Variants in PRDM5 observed in about 807,000 individuals in gnomAD.
PRDM5 encodes PR/SET domain 5, also known as PR domain zinc finger protein 5.
A neutral mutation model predicts 81.2 loss-of-function variants in PRDM5; 56 were observed. That is an observed-to-expected ratio of 0.69 (90% confidence interval 0.56 to 0.86). The LOEUF is 0.86. PRDM5 is among the 40% of genes least tolerant of loss of function. The pLI, the probability that PRDM5 is intolerant of heterozygous loss-of-function variation, is 0.00. For missense variants in PRDM5, 697 were observed against 770.1 expected (o/e 0.91, Z 1.12); for synonymous variants, 267 against 256.4 (o/e 1.04, Z -0.39).
At chr4:120,687,793 A>T (rs545064201), downstream of PRDM5, among the ~76,000 whole-genome samples, 1 of 152,290 alleles carries the variant, frequency 6.6e-6, no homozygotes, top group East Asian at 1.9e-4. Context: ...TCCTTATAAA[A>T]GGATGAGTTC....
chr4:120,803,399 A>C (rs934661170), intron 8 of PRDM5, among the ~76,000 whole-genome samples: 2 of 152,170 alleles, frequency 1.3e-5, no homozygotes, highest in East Asian at 1.9e-4. Context: ...CAAGACACAT[A>C]ATCGTAAGAT....
chr4:120,699,804 A>T (rs1735093655), intron 15 of PRDM5, among the ~76,000 whole-genome samples: 1 of 152,170 alleles, frequency 6.6e-6, no homozygotes, highest in Non-Finnish European at 1.5e-5. Context: ...ATGCTTAGAG[A>T]TTGGAAGAAT....
At chr4:120,814,407 T>C (rs1329621488) in intron 7 of PRDM5, among the ~76,000 whole-genome samples, 1 of 152,214 alleles carries the variant, frequency 6.6e-6, no homozygotes, top group Non-Finnish European at 1.5e-5. Context: ...CAGTAGGCCA[T>C]GTGAGGAAAT....
At chr4:120,766,502 A>T (rs1036676704) in intron 13 of PRDM5, among the ~76,000 whole-genome samples, 4 of 152,220 alleles carry the variant, frequency 2.6e-5, no homozygotes, top group Non-Finnish European at 5.9e-5. Flanking sequence ...CATAGGTAAC[A>T]AACTATAGTT....
At chr4:120,845,061 G>A (rs1319083772) in intron 3 of PRDM5, among the ~76,000 whole-genome samples, 1 of 152,196 alleles carries the variant, frequency 6.6e-6, no homozygotes, top group Admixed American at 6.5e-5. Flanking sequence ...GAGAGACAAG[G>A]AAGCTGCAGA....
chr4:120,763,862 G>A (rs1745983288), intron 13 of PRDM5, among the ~76,000 whole-genome samples: 1 of 151,572 alleles, frequency 6.6e-6, no homozygotes, highest in Non-Finnish European at 1.5e-5. Context: ...AGTATCAAGA[G>A]TATATAACGT....
intron 2 of PRDM5, among the ~76,000 whole-genome samples, chr4:120,860,156 A>T (rs978235295): frequency 1.3e-5 from 2 of 152,244 alleles, no homozygotes; most frequent in Admixed American, 6.5e-5. Flanking sequence ...AGGTTTCTGT[A>T]GCTAAGCAAA....
intron 1 of PRDM5, 100 bp downstream of exon 1, chr4:120,922,416 G>T (rs1400600993): frequency 7.3e-5 from 87 of 1,192,440 alleles, no homozygotes; most frequent in Non-Finnish European, 8.8e-5. Flanking sequence ...GGGCGACCGG[G>T]GTGAAGCCCG....
intron 3 of PRDM5, among the ~76,000 whole-genome samples, chr4:120,829,624 A>G (rs1756473660): frequency 1.3e-5 from 2 of 152,110 alleles, no homozygotes; most frequent in East Asian, 3.9e-4. Flanking sequence ...CTGTATCTGT[A>G]TGTCGCTTAA....
intron 14 of PRDM5, among the ~76,000 whole-genome samples, chr4:120,716,891 C>A (rs924617200): frequency 2.6e-4 from 39 of 151,896 alleles, no homozygotes; most frequent in African/African-American, 8.4e-4. Context: ...GAGAGTAAAC[C>A]CTCACATAGA....
intron 2 of PRDM5, among the ~76,000 whole-genome samples, chr4:120,903,776 C>T (rs181381487): frequency 2.6e-5 from 4 of 152,266 alleles, no homozygotes; most frequent in Non-Finnish European, 4.4e-5. Context: ...GTTTTATAAA[C>T]GGGAGTTCTC....
intron 4 of PRDM5, among the ~76,000 whole-genome samples, chr4:120,820,906 T>TGAGAGCCGG (rs1755170267): frequency 6.6e-6 from 1 of 152,198 alleles, no homozygotes; most frequent in Non-Finnish European, 1.5e-5. Context: ...GTGAGAGCAG[T>TGAGAGCCGG]GAGAGCCGGG....
At chr4:120,766,093 G>T (rs1270138581) in intron 13 of PRDM5, among the ~76,000 whole-genome samples, 1 of 151,968 alleles carries the variant, frequency 6.6e-6, no homozygotes, top group East Asian at 1.9e-4. Context: ...ATGAGTAGCT[G>T]GGATTGCAGG....
chr4:120,744,550 A>G (rs973108346), intron 14 of PRDM5, among the ~76,000 whole-genome samples: 7 of 152,068 alleles, frequency 4.6e-5, no homozygotes, highest in Non-Finnish European at 8.8e-5. Flanking sequence ...TAATAAAGAA[A>G]AAAAGAGAGA....
chr4:120,896,658 C>CAT (rs752044962), intron 2 of PRDM5: 1 of 18,184 alleles, frequency 5.5e-5, no homozygotes, highest in Non-Finnish European at 1.5e-4. Flanking sequence ...TTAAATATTT[C>CAT]ACACACACAC....
intron 3 of PRDM5, among the ~76,000 whole-genome samples, chr4:120,841,340 G>A (rs150289419): frequency 5.3e-5 from 8 of 152,160 alleles, no homozygotes; most frequent in South Asian, 2.1e-4. Context: ...ATTTTACTTC[G>A]TATTGCTCAA....
At chr4:120,750,818 A>T (rs1466808025) in intron 14 of PRDM5, among the ~76,000 whole-genome samples, 1 of 152,182 alleles carries the variant, frequency 6.6e-6, no homozygotes, top group Non-Finnish European at 1.5e-5. Flanking sequence ...AATAGTCAAA[A>T]CAATGAGATT....
At chr4:120,850,825 A>T (rs1049277055) in intron 3 of PRDM5, among the ~76,000 whole-genome samples, 1 of 152,188 alleles carries the variant, frequency 6.6e-6, no homozygotes, top group Non-Finnish European at 1.5e-5. Flanking sequence ...ATATAGAGGA[A>T]GAAAAGTACT....
chr4:120,903,794 A>G lies in PRDM5; in HGVS notation c.177+3680T>C, dbSNP rs1579188160. The stretch of plus-strand genomic sequence containing the variant: ...TTATAAACGGGAGTTCTCTTGCACA[A>G]GCTCTCTTGCCTGCCACCATGTAAA... On this transcript the variant is annotated intron_variant, in intron 2 of 15. Coordinates refer to ENST00000264808, the MANE Select transcript of PRDM5 (RefSeq NM_018699.4). Among the ~76,000 whole-genome samples, 4 of 152,272 alleles carry G rather than the reference A, an allele frequency of 2.6e-5. No individual in the cohort carries two copies. The South Asian group carries it at 8.3e-4, about 32-fold the overall frequency.
Sources: gnomAD v4.1 joint callset for allele counts (sites outside exome capture counted in the v4.1 genomes callset) on GRCh38, gnomAD v4.1.1 for gene constraint, MANE v1.5 for transcripts, NCBI Gene and HGNC (gene_info 2026-07-23, HGNC 2026-07-21) for gene names.